The following TASP1 variants were observed in gnomAD, a reference collection of about 807,000 sequenced individuals.
TASP1 encodes the protein threonine aspartase 1.
A neutral mutation model predicts 56.6 loss-of-function variants in TASP1; 16 were observed. The observed-to-expected ratio is 0.28, with a 90% CI of 0.19 to 0.43. TASP1 has a LOEUF of 0.43. TASP1 is among the 20% of genes least tolerant of loss of function. TASP1 has a pLI of 1.00. For missense variants in TASP1, 393 were observed against 511.6 expected, an observed-to-expected ratio of 0.77 and a Z score of 2.24; for synonymous variants, 179 against 184.2, an observed-to-expected ratio of 0.97 and a Z score of 0.23.
chr20:13,304,935 C>T, the TASP1 span, among the ~76,000 whole-genome samples: 8 of 152,250 alleles, frequency 5.3e-5, no homozygotes, highest in Admixed American at 2.0e-4. Flanking sequence ...GCTTGCTCAG[C>T]GCCATCTCTC....
At chr20:13,268,872 C>G in the TASP1 span, among the ~76,000 whole-genome samples, 5 of 152,228 alleles carry the variant, frequency 3.3e-5, no homozygotes, top group African/African-American at 9.6e-5. Context: ...CTCAGTTGTG[C>G]CACTGCACTC....
At chr20:13,521,073 G>A (rs2044732513) in intron 10 of TASP1, among the ~76,000 whole-genome samples, 2 of 152,146 alleles carry the variant, frequency 1.3e-5, no homozygotes, top group African/African-American at 4.8e-5. Context: ...ACCACAATGA[G>A]ATACCATCTC....
At chr20:13,392,146 A>G (rs1412486846) in intron 13 of TASP1, among the ~76,000 whole-genome samples, 1 of 151,998 alleles carries the variant, frequency 6.6e-6, no homozygotes, top group Non-Finnish European at 1.5e-5. Flanking sequence ...GAAGAACTTA[A>G]CAAAGTACCT....
chr20:13,463,531 T>G (rs2044137064), intron 11 of TASP1, among the ~76,000 whole-genome samples: 1 of 151,994 alleles, frequency 6.6e-6, no homozygotes, highest in Admixed American at 6.6e-5. Flanking sequence ...CACATCAAAA[T>G]TAAAATTAAA....
Position 13,465,206 on chromosome 20 carries a change from GA to G in TASP1, c.985+18020del, listed in dbSNP as rs1000825220. On this transcript the variant is annotated intron_variant, in intron 11 of 13. Coordinates refer to ENST00000337743, the MANE Select transcript of TASP1 (RefSeq NM_017714.3). ...AAAAAAAAAAAAAAAAAAAGGAAAG[GA>G]AAAAAAAAGGTTAAAATGGTAAATT... Among the ~76,000 whole-genome samples the G allele has an allele frequency of 4.9e-4, 69 of 141,312 alleles. 1 individual carries two copies. Among genetic ancestry groups the G allele is most frequent in the African/African-American group, 1.5e-3 (57 of 38,572 alleles). The allele number at this position is 141,312 out of a possible 152,430, so 92.7% of individuals were successfully genotyped here.
chr20:13,187,554 C>T, the TASP1 span, among the ~76,000 whole-genome samples: 3 of 151,816 alleles, frequency 2.0e-5, no homozygotes, highest in South Asian at 6.3e-4. Flanking sequence ...TCAAGACCAT[C>T]CTGGCCAATA....
the TASP1 span, among the ~76,000 whole-genome samples, chr20:13,240,952 T>C: frequency 6.6e-6 from 1 of 152,174 alleles, no homozygotes; most frequent in African/African-American, 2.4e-5. Context: ...TAAGTGAAGA[T>C]AATAGCAGGG....
the TASP1 span, among the ~76,000 whole-genome samples, chr20:13,210,616 CGTGTGTGTGTGT>C: frequency 2.0e-5 from 3 of 147,502 alleles, no homozygotes; most frequent in African/African-American, 5.0e-5. Context: ...CATGTGCACA[CGTGTGTGTGTGT>C]GTGTGTGTGT....
At chr20:13,470,401 T>G (rs988789915) in intron 11 of TASP1, among the ~76,000 whole-genome samples, 2 of 152,192 alleles carry the variant, frequency 1.3e-5, no homozygotes, top group Non-Finnish European at 2.9e-5. Flanking sequence ...GCATTCATTT[T>G]CTAAGTGACT....
Position 13,498,187 on chromosome 20 carries a change from C to T in TASP1, c.875-14850G>A, listed in dbSNP as rs115516871. 8.6e-4 allele frequency among the ~76,000 whole-genome samples: 131 copies of T among 152,204 alleles called. 2 individuals are homozygous for T. Among genetic ancestry groups the T allele is most frequent in the Non-Finnish European group, 1.4e-3 (93 of 68,002 alleles). On this transcript the variant is annotated intron_variant, in intron 10 of 13. Transcript: ENST00000337743. The stretch of plus-strand genomic sequence containing the variant: ...CAACAGAGTAGACAGACAATCCACA[C>T]AATGGGAGAAAATATTTGCAAACTA...
At chr20:13,468,356 A>G (rs2044345315) in intron 11 of TASP1, among the ~76,000 whole-genome samples, 1 of 125,518 alleles carries the variant, frequency 8.0e-6, no homozygotes, top group African/African-American at 3.0e-5. Context: ...ATGCTAATGA[A>G]TGGACTGGAT....
chr20:13,186,376 T>G, the TASP1 span, among the ~76,000 whole-genome samples: 4 of 152,206 alleles, frequency 2.6e-5, no homozygotes, highest in African/African-American at 7.2e-5. Context: ...TCCAGTCTTC[T>G]TATTTTACCT....
At chr20:13,522,696 T>C (rs934912381) in intron 10 of TASP1, among the ~76,000 whole-genome samples, 1 of 151,998 alleles carries the variant, frequency 6.6e-6, no homozygotes, top group Non-Finnish European at 1.5e-5. Flanking sequence ...AGGTTGGAGA[T>C]AAAATTGTAG....
At chr20:13,367,368 C>A in the TASP1 span, among the ~76,000 whole-genome samples, 1 of 152,164 alleles carries the variant, frequency 6.6e-6, no homozygotes, top group Non-Finnish European at 1.5e-5. Flanking sequence ...GATATTCATT[C>A]CCATTCATCA....
the TASP1 span, chr20:13,221,740 C>A: frequency 7.4e-7 from 1 of 1,354,822 alleles, no homozygotes; most frequent in Non-Finnish European, 9.5e-7. Flanking sequence ...CGCCGCCGGC[C>A]GCCGCGCCGG....
At chr20:13,629,645 T>G (rs1381820726) in intron 2 of TASP1, among the ~76,000 whole-genome samples, 1 of 151,962 alleles carries the variant, frequency 6.6e-6, no homozygotes, top group Non-Finnish European at 1.5e-5. Context: ...AAAAATTACT[T>G]TGTCTGGTTT....
At chr20:13,381,646 A>G in the TASP1 span, among the ~76,000 whole-genome samples, 1 of 152,118 alleles carries the variant, frequency 6.6e-6, no homozygotes, top group Non-Finnish European at 1.5e-5. Flanking sequence ...TGTTGTTCTT[A>G]GTACCAGGAG....
At chr20:13,198,850 CT>C in the TASP1 span, among the ~76,000 whole-genome samples, 3 of 128,628 alleles carry the variant, frequency 2.3e-5, no homozygotes, top group African/African-American at 8.3e-5. Context: ...TTCTTTCTTT[CT>C]TTCTTTCCTT....
intron 11 of TASP1, among the ~76,000 whole-genome samples, chr20:13,478,261 G>A (rs901294095): frequency 1.3e-5 from 2 of 151,854 alleles, no homozygotes; most frequent in South Asian, 2.1e-4. Context: ...AACTGCACTC[G>A]TATGTGTACC....
Sources: gnomAD v4.1 joint callset for allele counts (sites outside exome capture counted in the v4.1 genomes callset) on GRCh38, gnomAD v4.1.1 for gene constraint, MANE v1.5 for transcripts, NCBI Gene and HGNC (gene_info 2026-07-23, HGNC 2026-07-21) for gene names.